SGMS1: variants seen among roughly 807,000 people sequenced by gnomAD.
SGMS1 encodes the protein phosphatidylcholine:ceramide cholinephosphotransferase 1.
A neutral mutation model predicts 46.2 loss-of-function variants in SGMS1; 13 were observed. The ratio of observed to expected loss-of-function variants is 0.28; its 90% CI spans 0.18 to 0.45. The LOEUF (loss-of-function observed/expected upper bound fraction) is 0.45. SGMS1 is among the 20% of genes least tolerant of loss of function. SGMS1 has a pLI of 1.00. For synonymous variants in SGMS1, 203 were observed against 187.8 expected (o/e 1.08, Z -0.66); for missense variants, 324 against 519.9 (o/e 0.62, Z 3.66).
At chr10:50,500,187 A>G (rs1837650671) in intron 3 of SGMS1, among the ~76,000 whole-genome samples, 3 of 152,116 alleles carry the variant, frequency 2.0e-5, no homozygotes, top group Admixed American at 2.0e-4. Flanking sequence ...CTAACAAACA[A>G]ACAAACAAAA....
chr10:50,602,229 G>A (rs1238083073), intron 1 of SGMS1, among the ~76,000 whole-genome samples: 1 of 152,110 alleles, frequency 6.6e-6, no homozygotes, highest in Non-Finnish European at 1.5e-5. Context: ...AGAAAACCCT[G>A]CCCCATCTCT....
At chr10:50,528,767 A>G (rs1837926975) in intron 2 of SGMS1, among the ~76,000 whole-genome samples, 1 of 152,146 alleles carries the variant, frequency 6.6e-6, no homozygotes, top group African/African-American at 2.4e-5. Context: ...GGCTGAGGTG[A>G]GAGAATAGCT....
chr10:50,622,510 A>C (rs761602130), intron 1 of SGMS1, among the ~76,000 whole-genome samples: 3 of 152,226 alleles, frequency 2.0e-5, no homozygotes, highest in African/African-American at 4.8e-5. Flanking sequence ...ACCTAAAAGC[A>C]AAATAACCTG....
At chr10:50,451,617 C>T (rs549816671) in intron 5 of SGMS1, among the ~76,000 whole-genome samples, 8 of 152,070 alleles carry the variant, frequency 5.3e-5, no homozygotes, top group African/African-American at 1.9e-4. Flanking sequence ...ATCAGCAACA[C>T]GAGCAGCAGA....
At chr10:50,427,181 G>A (rs1849337296) in intron 6 of SGMS1, among the ~76,000 whole-genome samples, 1 of 152,132 alleles carries the variant, frequency 6.6e-6, no homozygotes, top group Non-Finnish European at 1.5e-5. Flanking sequence ...GACAGATCAC[G>A]AGGTCAGGAG....
chr10:50,505,854 C>T (rs1056572062), intron 3 of SGMS1, among the ~76,000 whole-genome samples: 2 of 152,114 alleles, frequency 1.3e-5, no homozygotes, highest in African/African-American at 4.8e-5. Flanking sequence ...CACACCATAT[C>T]TGCGGGGGGA....
chr10:50,307,120 T>C lies in SGMS1; in HGVS notation c.*22A>G. 1 of 1,606,136 alleles carries C rather than the reference T, an allele frequency of 6.2e-7. No individual in the cohort carries two copies. Among genetic ancestry groups the C allele is most frequent in the Non-Finnish European group, 8.5e-7 (1 of 1,175,130 alleles). ...TTCTTAGCACTTCGGACAATTTGTCTTTTCCCCACTTTGTACAGCTGTTAT... is the reference window on the plus strand; with the variant it reads ...TTCTTAGCACTTCGGACAATTTGTCCTTTCCCCACTTTGTACAGCTGTTAT... On this transcript the variant is annotated 3_prime_UTR_variant, in exon 11 of 11. Transcript: ENST00000361781. This position sits in a 1 kb window ranked among gnomAD's most constrained non-coding sequence, Gnocchi z 4.2.
rs968688666 is a variant in SGMS1, at chr10:50,551,828, G to A, written c.-588-31907C>T. On this transcript the variant is annotated intron_variant, in intron 2 of 10. Coordinates refer to ENST00000361781, the MANE Select transcript of SGMS1 (RefSeq NM_147156.4). ...CATCCCCCTGTTCATTGTATTCTCCGATCCATCCTCCACACAGCTGCTGGA... is the reference window on the plus strand; with the variant it reads ...CATCCCCCTGTTCATTGTATTCTCCAATCCATCCTCCACACAGCTGCTGGA... 1.6e-4 allele frequency among the ~76,000 whole-genome samples: 24 copies of A among 151,930 alleles called. No individual in the cohort carries two copies. The South Asian group carries it at 2.3e-3, about 15-fold the overall frequency.
At chr10:50,394,936 A>G (rs1372879830) in intron 6 of SGMS1, among the ~76,000 whole-genome samples, 1 of 152,228 alleles carries the variant, frequency 6.6e-6, no homozygotes, top group African/African-American at 2.4e-5. Context: ...TCACTATACC[A>G]TCACGAACTA....
At chr10:50,490,629 C>T (rs991278802) in intron 3 of SGMS1, among the ~76,000 whole-genome samples, 2 of 152,156 alleles carry the variant, frequency 1.3e-5, no homozygotes, top group Admixed American at 6.6e-5. Context: ...ACAGTATTAT[C>T]GATCTCAAAG....
At position 50,584,399 on chromosome 10, in the gene SGMS1, T is replaced by C. The variant is rs1838462622; in HGVS notation, c.-589+5754A>G. ...CTGTAATTCCAGCTACTTGGGAGGC[T>C]GAAGCAGGAGAATCACTTGAACCCG... On this transcript the variant is annotated intron_variant, in intron 2 of 10. Coordinates refer to ENST00000361781, the MANE Select transcript of SGMS1 (RefSeq NM_147156.4). Among the ~76,000 whole-genome samples the C allele has an allele frequency of 4.1e-5, 6 of 147,716 alleles. No individual in the cohort carries two copies. In the South Asian group the frequency reaches 1.3e-3, roughly 31 times the overall value.
intron 6 of SGMS1, among the ~76,000 whole-genome samples, chr10:50,385,172 C>T (rs1392841675): frequency 6.6e-6 from 1 of 152,140 alleles, no homozygotes; most frequent in Non-Finnish European, 1.5e-5. Flanking sequence ...ATGTTGTGTT[C>T]CACTCTGATC....
chr10:50,317,469 G>T (rs1430329242), intron 8 of SGMS1, among the ~76,000 whole-genome samples: 2 of 152,096 alleles, frequency 1.3e-5, no homozygotes, highest in Admixed American at 6.5e-5. Flanking sequence ...AGTACATGAG[G>T]TCACACAGAG....
At chr10:50,623,454 C>T (rs1838876448) in intron 1 of SGMS1, 2 of 458,132 alleles carry the variant, frequency 4.4e-6, no homozygotes, top group African/African-American at 2.1e-5. Context: ...CGGGGAGCCC[C>T]GCCGGCGGCC....
At chr10:50,601,384 C>A (rs1838648497) in intron 1 of SGMS1, among the ~76,000 whole-genome samples, 1 of 152,200 alleles carries the variant, frequency 6.6e-6, no homozygotes, top group Non-Finnish European at 1.5e-5. Flanking sequence ...TCACTTTGTA[C>A]ATTTGTGACC....
At chr10:50,459,539 G>A (rs1404474129) in intron 5 of SGMS1, among the ~76,000 whole-genome samples, 1 of 152,142 alleles carries the variant, frequency 6.6e-6, no homozygotes, top group Non-Finnish European at 1.5e-5. Flanking sequence ...AAGTAGCTGG[G>A]ACTACAGGCA....
At chr10:50,330,192 G>A (rs371350869) in intron 7 of SGMS1, among the ~76,000 whole-genome samples, 1 of 152,046 alleles carries the variant, frequency 6.6e-6, no homozygotes, top group East Asian at 1.9e-4. Context: ...GGTGACTCAC[G>A]CCTGTAATCC....
At chr10:50,381,221 C>T (rs1404560527) in intron 6 of SGMS1, among the ~76,000 whole-genome samples, 1 of 151,390 alleles carries the variant, frequency 6.6e-6, no homozygotes, top group East Asian at 1.9e-4. Context: ...AAGGGTTTGC[C>T]TGAGTCCCAT....
intron 2 of SGMS1, among the ~76,000 whole-genome samples, chr10:50,538,487 T>C (rs898817116): frequency 6.7e-6 from 1 of 149,708 alleles, no homozygotes; most frequent in Non-Finnish European, 1.5e-5. Flanking sequence ...AGAGATAGCT[T>C]ATCAGGGGTG....
Sources: gnomAD v4.1 joint callset for allele counts (sites outside exome capture counted in the v4.1 genomes callset) on GRCh38, gnomAD v4.1.1 for gene constraint, Gnocchi (gnomAD v3.1) non-coding constraint, MANE v1.5 for transcripts, NCBI Gene and HGNC (gene_info 2026-07-23, HGNC 2026-07-21) for gene names.